The following LIPH variants were observed in gnomAD, a reference collection of about 807,000 sequenced individuals.
LIPH encodes the protein lipase H.
In LIPH, 32 loss-of-function variants were observed where a neutral mutation model predicts 47.6. The ratio of observed to expected loss-of-function variants is 0.67; its 90% CI spans 0.51 to 0.90. LIPH has a LOEUF of 0.90. LIPH is among the 40% of genes least tolerant of loss of function. The pLI is 0.00. For synonymous variants in LIPH, 190 were observed against 195.6 expected, an observed-to-expected ratio of 0.97 and a Z score of 0.24; for missense variants, 497 against 541.4, an observed-to-expected ratio of 0.92 and a Z score of 0.81.
In LIPH at chr3:185,538,972, T is replaced by A. The variant is rs867670835; in HGVS notation, c.50-3840A>T. ...ATATATATACACATATATATATTTT[T>A]TTTTATTTTATTTTTTTGAGACAGA... On this transcript the variant is annotated intron_variant, in intron 1 of 9. Coordinates refer to ENST00000296252, the MANE Select transcript of LIPH (RefSeq NM_139248.3). Among the ~76,000 whole-genome samples, 17 of 150,128 alleles carry A rather than the reference T, an allele frequency of 1.1e-4. No individual in the cohort carries two copies. The East Asian group carries it at 1.4e-3, about 12-fold the overall frequency.
intron 3 of LIPH, among the ~76,000 whole-genome samples, chr3:185,532,848 T>C (rs1052123318): frequency 1.3e-5 from 2 of 152,054 alleles, no homozygotes; most frequent in Non-Finnish European, 2.9e-5. Flanking sequence ...ATTAAAAACT[T>C]GTGGCCCTAA....
chr3:185,527,521 A>G lies in LIPH; in HGVS notation c.591T>C (p.Asp197=), dbSNP rs1720146909. Residue 197 remains aspartate (D), a synonymous_variant, in exon 4 of 10, where the codon GAT becomes GAC. Coordinates refer to ENST00000296252, the MANE Select transcript of LIPH (RefSeq NM_139248.3). ...AATGGATGACATCAACAAACTGCGC[A>G]TCACTGGGATCTAATCTGTCTTGGT... ...KPHQDRLDPS[D]AQFVDVIHSD... is the part of the protein sequence containing the mutation. 4 of 1,613,018 alleles carry G rather than the reference A, an allele frequency of 2.5e-6. No individual in the cohort carries two copies. The highest frequency in any genetic ancestry group is 2.5e-6 in the Non-Finnish European group (3 of 1,179,778).
At chr3:185,546,061 G>C (rs1720862187) in intron 1 of LIPH, among the ~76,000 whole-genome samples, 1 of 152,106 alleles carries the variant, frequency 6.6e-6, no homozygotes, top group Admixed American at 6.5e-5. Flanking sequence ...AGCTACTTGG[G>C]AGGCTGAGGC....
chr3:185,547,118 G>A (rs1349644299), intron 1 of LIPH: 4 of 263,762 alleles, frequency 1.5e-5, no homozygotes, highest in Admixed American at 5.5e-5. Context: ...TCCAGCCTGG[G>A]TGACAGAAAG....
chr3:185,519,195 T>C lies in LIPH; in HGVS notation c.833A>G (p.Asn278Ser). The change falls in exon 6 of 10, where the codon AAT becomes AGT. Residue 278 changes from asparagine to serine, a missense_variant. By Grantham distance (46) the Asn-to-Ser change is conservative. Coordinates refer to ENST00000296252, the MANE Select transcript of LIPH (RefSeq NM_139248.3). Reference protein sequence around the residue: ...YPCDSYQDYRNGKCVSCGTSQ... With the variant: ...YPCDSYQDYRSGKCVSCGTSQ... ...CGTGCCGCAGCTGACACACTTGCCA[T>C]TCCTATAATCCTGGTAGGAGTCACA... 9 of 1,614,002 alleles carry C rather than the reference T, an allele frequency of 5.6e-6. No individual in the cohort carries two copies. The highest frequency in any genetic ancestry group is 5.9e-6 in the Non-Finnish European group (7 of 1,179,892).
intron 1 of LIPH, among the ~76,000 whole-genome samples, chr3:185,549,039 G>A (rs1330597915): frequency 6.6e-6 from 1 of 151,224 alleles, no homozygotes; most frequent in Non-Finnish European, 1.5e-5. Context: ...GGCTGAGGCA[G>A]AGAATTGCTT....
chr3:185,508,493 C>T lies in LIPH; in HGVS notation c.*297G>A, dbSNP rs1020217812. On this transcript the variant is annotated 3_prime_UTR_variant, in exon 10 of 10. Transcript: ENST00000296252. ...GCGATGGGCAGAACCACCCGCGTGA[C>T]AGGCAGCAGAATTGACAGGTCGGAA... 5.0e-6 allele frequency: 2 copies of T among 402,326 alleles called. No homozygotes were observed. The highest frequency in any genetic ancestry group is 4.0e-5 in the African/African-American group (2 of 49,448). The allele number at this position is 402,326 out of a possible 1,614,324, so 24.9% of individuals were successfully genotyped here.
intron 3 of LIPH, among the ~76,000 whole-genome samples, chr3:185,529,963 A>AG (rs1720273928): frequency 2.2e-5 from 1 of 45,702 alleles, no homozygotes; most frequent in African/African-American, 6.9e-5. Context: ...AGAAAGAAAG[A>AG]AGGAAAGAAA....
intron 7 of LIPH, 80 bp from the exon 8 acceptor site, chr3:185,514,601 C>T (rs1719669723): frequency 3.9e-6 from 3 of 762,702 alleles, no homozygotes. Flanking sequence ...AAAAACTGAA[C>T]CTCCCTAATC....
chr3:185,522,650 A>AAGAAAGAAAAG (rs1235808164), intron 5 of LIPH, among the ~76,000 whole-genome samples: 12,412 of 141,926 alleles, frequency 0.087, 762 homozygotes, highest in Middle Eastern at 0.12. Context: ...GAGAGAAAGA[A>AAGAAAGAAAAG]AAAGAAAGAA....
At chr3:185,541,032 T>C (rs1358966461) in intron 1 of LIPH, among the ~76,000 whole-genome samples, 1 of 152,212 alleles carries the variant, frequency 6.6e-6, no homozygotes, top group African/African-American at 2.4e-5. Flanking sequence ...TGTTTCTTTG[T>C]TATATGTGAC....
rs534939731 is a variant in LIPH, at chr3:185,540,919, C to T, written c.50-5787G>A. Among the ~76,000 whole-genome samples, 10 of 152,192 alleles carry T rather than the reference C, an allele frequency of 6.6e-5. No homozygotes were observed. The South Asian group carries it at 1.9e-3, about 28-fold the overall frequency. ...GAAACTGGATTTCCGACTCGGAGTG[C>T]GCTGCCGACTTCTGCCATGTGTTCT... On this transcript the variant is annotated intron_variant, in intron 1 of 9. Transcript: ENST00000296252.
chr3:185,550,115 T>A (rs149975210), intron 1 of LIPH, among the ~76,000 whole-genome samples: 2 of 152,294 alleles, frequency 1.3e-5, no homozygotes, highest in Non-Finnish European at 2.9e-5. Flanking sequence ...CCCATTTTAA[T>A]GCTTGTTAAT....
intron 1 of LIPH, among the ~76,000 whole-genome samples, chr3:185,545,867 C>G (rs544707090): frequency 6.6e-6 from 1 of 152,008 alleles, no homozygotes; most frequent in South Asian, 2.1e-4. Flanking sequence ...GTAAAATAAT[C>G]ATAATAGGCC....
chr3:185,535,721 G>A (rs549981205), intron 1 of LIPH, among the ~76,000 whole-genome samples: 2 of 152,032 alleles, frequency 1.3e-5, no homozygotes, highest in Non-Finnish European at 2.9e-5. Flanking sequence ...TCATGCCTCA[G>A]CCTCCCAAGT....
intron 3 of LIPH, among the ~76,000 whole-genome samples, chr3:185,530,478 AAAT>A (rs761217291): frequency 2.6e-5 from 4 of 151,528 alleles, no homozygotes; most frequent in Non-Finnish European, 1.5e-5. Context: ...ACTCGGTCTC[AAAT>A]AATAATAATA....
intron 8 of LIPH, among the ~76,000 whole-genome samples, chr3:185,512,833 T>G (rs1052406496): frequency 6.6e-6 from 1 of 152,104 alleles, no homozygotes. Context: ...TGACGAGGTA[T>G]CTGTCACCCC....
At chr3:185,516,559 C>T (rs925951260) in intron 7 of LIPH, among the ~76,000 whole-genome samples, 1 of 152,212 alleles carries the variant, frequency 6.6e-6, no homozygotes, top group African/African-American at 2.4e-5. Context: ...TAATCATTGG[C>T]TGCCCCCTTT....
At chr3:185,511,882 C>T (rs1719578958) in intron 8 of LIPH, among the ~76,000 whole-genome samples, 185 bp from the exon 9 acceptor site, 1 of 148,238 alleles carries the variant, frequency 6.7e-6, no homozygotes, top group Admixed American at 6.8e-5. Context: ...AGTGTAGTAA[C>T]CACCCAAGAA....
Sources: allele counts gnomAD v4.1 joint callset (sites outside exome capture counted in the v4.1 genomes callset), GRCh38; gene constraint gnomAD v4.1.1; transcripts MANE v1.5; gene names NCBI Gene and HGNC (gene_info 2026-07-23, HGNC 2026-07-21).